PTPRD: variants seen among roughly 807,000 people sequenced by gnomAD.
PTPRD encodes the protein protein tyrosine phosphatase receptor type D.
A neutral mutation model predicts 214.5 loss-of-function variants in PTPRD; 34 were observed. The ratio of observed to expected loss-of-function variants is 0.16; its 90% CI spans 0.12 to 0.21. The LOEUF (loss-of-function observed/expected upper bound fraction) is 0.21. Among genes scored for constraint, PTPRD ranks in the 10% least tolerant of loss-of-function variants. The probability of loss-of-function intolerance (pLI) is 1.00; values close to 1 mark genes in which losing one functional copy is unlikely to be tolerated. For missense variants in PTPRD, 2,545 were observed against 2,398.7 expected, an observed-to-expected ratio of 1.06 and a Z score of -1.27; for synonymous variants, 1,128 against 845.7, an observed-to-expected ratio of 1.33 and a Z score of -5.79.
intron 4 of PTPRD, among the ~76,000 whole-genome samples, chr9:9,996,472 G>A (rs551508874): frequency 6.6e-6 from 1 of 152,310 alleles, no homozygotes; most frequent in African/African-American, 2.4e-5. Flanking sequence ...AACATGCCTG[G>A]AATCAGGAAG....
chr9:8,786,444 C>G (rs1177048450), intron 11 of PTPRD, among the ~76,000 whole-genome samples: 2 of 115,802 alleles, frequency 1.7e-5, no homozygotes, highest in Non-Finnish European at 3.2e-5. Context: ...GAGTCTCGCT[C>G]TGTCGCCCAG....
chr9:8,804,268 T>A (rs1405664278), intron 11 of PTPRD, among the ~76,000 whole-genome samples: 1 of 152,010 alleles, frequency 6.6e-6, no homozygotes, highest in African/African-American at 2.4e-5. Flanking sequence ...TTTCTCTTAA[T>A]AACACAAATC....
intron 33 of PTPRD, among the ~76,000 whole-genome samples, chr9:8,458,169 T>TGTGGGC (rs2096270649): frequency 1.3e-5 from 2 of 152,172 alleles, no homozygotes; most frequent in African/African-American, 2.4e-5. Context: ...AAAATGCTAC[T>TGTGGGC]CTATTTTAAC....
intron 3 of PTPRD, among the ~76,000 whole-genome samples, chr9:10,277,520 A>G (rs1555020664): frequency 6.6e-6 from 1 of 152,182 alleles, no homozygotes; most frequent in Non-Finnish European, 1.5e-5. Context: ...AGAGCCTAAC[A>G]TATGATCTAA....
At chr9:10,166,960 C>A (rs1422201557) in intron 3 of PTPRD, among the ~76,000 whole-genome samples, 1 of 152,096 alleles carries the variant, frequency 6.6e-6, no homozygotes, top group Non-Finnish European at 1.5e-5. Context: ...ATTCTACCAA[C>A]TTTCCTTTAA....
At chr9:8,677,519 T>TTGAG (rs1434559516) in intron 12 of PTPRD, among the ~76,000 whole-genome samples, 1 of 151,994 alleles carries the variant, frequency 6.6e-6, no homozygotes, top group East Asian at 1.9e-4. Context: ...CAGGGCCTAA[T>TTGAG]TGAGGGTGGA....
At chr9:9,567,884 G>A (rs939278349) in intron 8 of PTPRD, among the ~76,000 whole-genome samples, 16 of 151,922 alleles carry the variant, frequency 1.1e-4, no homozygotes, top group African/African-American at 3.6e-4. Context: ...GCTGGCAATA[G>A]GCAGAAGAGT....
intron 2 of PTPRD, among the ~76,000 whole-genome samples, chr9:10,482,082 C>A (rs1251382154): frequency 6.6e-6 from 1 of 151,790 alleles, no homozygotes; most frequent in Non-Finnish European, 1.5e-5. Context: ...ATAAAAAAAA[C>A]AAATGTTGGC....
intron 11 of PTPRD, among the ~76,000 whole-genome samples, chr9:8,843,899 GA>G (rs2097626688): frequency 2.0e-5 from 3 of 152,128 alleles, no homozygotes; most frequent in Admixed American, 2.0e-4. Context: ...CAATTTTTGG[GA>G]TCTTAGGTTC....
At chr9:8,494,611 G>A (rs766406984) in intron 26 of PTPRD, among the ~76,000 whole-genome samples, 4 of 152,204 alleles carry the variant, frequency 2.6e-5, no homozygotes, top group Non-Finnish European at 5.9e-5. Context: ...AGCAAGGCTT[G>A]CTTCCATCAC....
intron 7 of PTPRD, among the ~76,000 whole-genome samples, chr9:9,599,760 A>G (rs16929886): frequency 0.14 from 21,412 of 151,990 alleles, 1,728 homozygotes; most frequent in Middle Eastern, 0.21. Context: ...CATCTCTATT[A>G]GCAAACACAA....
chr9:10,003,649 G>A (rs1418650838), intron 4 of PTPRD, among the ~76,000 whole-genome samples: 1 of 151,270 alleles, frequency 6.6e-6, no homozygotes, highest in Non-Finnish European at 1.5e-5. Flanking sequence ...ATTAATATTG[G>A]GTTAATATTA....
chr9:8,460,628 C>T, intron 32 of PTPRD, 57 bp from the exon 33 acceptor site: 3 of 1,547,700 alleles, frequency 1.9e-6, no homozygotes, highest in Non-Finnish European at 2.6e-6. Context: ...AGATAAGTAC[C>T]TTTAACATTA....
At chr9:10,568,844 T>C (rs2066508118) in intron 2 of PTPRD, among the ~76,000 whole-genome samples, 1 of 152,174 alleles carries the variant, frequency 6.6e-6, no homozygotes, top group African/African-American at 2.4e-5. Context: ...GGCAATACCA[T>C]GCAGGACATA....
intron 14 of PTPRD, among the ~76,000 whole-genome samples, chr9:8,588,894 G>C (rs1255213307): frequency 6.6e-6 from 1 of 151,998 alleles, no homozygotes; most frequent in African/African-American, 2.4e-5. Flanking sequence ...AGAGATTCTT[G>C]GACCATATTT....
chr9:10,531,462 G>A (rs996068529), intron 2 of PTPRD, among the ~76,000 whole-genome samples: 1 of 152,078 alleles, frequency 6.6e-6, no homozygotes, highest in Non-Finnish European at 1.5e-5. Flanking sequence ...ATAGATGGGA[G>A]CCTAATAAAA....
chr9:9,182,758 T>C (rs982096898), intron 10 of PTPRD, among the ~76,000 whole-genome samples: 12 of 152,050 alleles, frequency 7.9e-5, no homozygotes, highest in Non-Finnish European at 1.5e-4. Context: ...TAGTGAGAAC[T>C]GAATGCATTA....
intron 9 of PTPRD, among the ~76,000 whole-genome samples, chr9:9,232,117 T>A (rs1415717314): frequency 6.6e-6 from 1 of 152,180 alleles, no homozygotes; most frequent in Admixed American, 6.6e-5. Flanking sequence ...CTGTGTAGAA[T>A]AAATAAGTTG....
chr9:9,054,114 T>C (rs2099691845), intron 10 of PTPRD, among the ~76,000 whole-genome samples: 1 of 152,164 alleles, frequency 6.6e-6, no homozygotes, highest in South Asian at 2.1e-4. Flanking sequence ...TCAGACATTG[T>C]GTGAAGCATT....
Sources: allele counts gnomAD v4.1 joint callset (sites outside exome capture counted in the v4.1 genomes callset), GRCh38; gene constraint gnomAD v4.1.1; transcripts MANE v1.5; gene names NCBI Gene and HGNC (gene_info 2026-07-23, HGNC 2026-07-21).